The following AFDN variants were observed in gnomAD, a reference collection of about 807,000 sequenced individuals.
The protein encoded by AFDN is afadin.
Under a neutral mutation model 216.6 loss-of-function variants are expected in AFDN, and 68 were observed. That is an observed-to-expected ratio of 0.31 (90% CI 0.26 to 0.38). AFDN has a LOEUF of 0.38. Among genes scored for constraint, AFDN ranks in the 10% least tolerant of loss-of-function variants. AFDN has a pLI of 1.00. For missense variants in AFDN, 2,136 were observed against 2,342.0 expected (o/e 0.91, Z 1.82); for synonymous variants, 868 against 853.7 (o/e 1.02, Z -0.29).
At chr6:167,827,953 T>C (rs1261288233) in intron 1 of AFDN, 3 of 152,150 alleles carry the variant, frequency 2.0e-5, no homozygotes, top group African/African-American at 7.2e-5. Context: ...GGGTTGTTTA[T>C]AGCAAAGCTG....
intron 32 of AFDN, among the ~76,000 whole-genome samples, chr6:167,968,133 A>G (rs1292856701): frequency 6.6e-6 from 1 of 152,232 alleles, no homozygotes; most frequent in Non-Finnish European, 1.5e-5. Context: ...TTAAAGCTCA[A>G]AAGATATAAT....
chr6:167,931,542 G>A (rs1220863620), intron 23 of AFDN, among the ~76,000 whole-genome samples: 1 of 152,082 alleles, frequency 6.6e-6, no homozygotes, highest in Non-Finnish European at 1.5e-5. Context: ...GCCTTTTCTT[G>A]AAATGAGAGA....
At chr6:167,906,869 T>G (rs1789757199) in intron 12 of AFDN, among the ~76,000 whole-genome samples, 2 of 152,234 alleles carry the variant, frequency 1.3e-5, no homozygotes, top group African/African-American at 4.8e-5. Context: ...GAATTACTAT[T>G]AATGTACTTT....
chr6:167,956,883 G>A (rs566731012), intron 30 of AFDN, among the ~76,000 whole-genome samples: 1 of 152,228 alleles, frequency 6.6e-6, no homozygotes, highest in African/African-American at 2.4e-5. Context: ...AGGATCCCTC[G>A]GTACTGTCCC....
At chr6:167,847,677 G>A (rs1473074680) in intron 1 of AFDN, among the ~76,000 whole-genome samples, 1 of 152,026 alleles carries the variant, frequency 6.6e-6, no homozygotes, top group Non-Finnish European at 1.5e-5. Flanking sequence ...CACCATCTTT[G>A]CTTCTTACTA....
At chr6:167,943,559 AC>A in intron 25 of AFDN, 84 bp downstream of exon 25, 2 of 1,119,002 alleles carry the variant, frequency 1.8e-6, no homozygotes, top group Admixed American at 1.7e-5. Context: ...GAAGATAAAA[AC>A]TATGCTAAAA....
In AFDN at chr6:167,946,797, G is replaced by C. The variant is rs1463123270; in HGVS notation, c.3449G>C (p.Ser1150Thr). The C allele has an allele frequency of 6.2e-7, 1 of 1,613,680 alleles. No homozygotes were observed. Among genetic ancestry groups the C allele is most frequent in the South Asian group, 1.1e-5 (1 of 90,918 alleles). ...NNSTQNGSPE[S>T]PQLPWAEYSE... ...TCAACTCAAAATGGGTCTCCTGAGAGTCCTCAGCTGCCTTGGGCAGAATAT... is the reference window on the plus strand; with the variant it reads ...TCAACTCAAAATGGGTCTCCTGAGACTCCTCAGCTGCCTTGGGCAGAATAT... Residue 1150 changes from serine (S) to threonine (T), a missense_variant, in exon 27 of 34, where the codon AGT (serine) becomes ACT (threonine). This residue lies in a region of AFDN where 981 missense variants were observed against 966.0 expected (regional missense o/e 1.02). Transcript: ENST00000683244.
In AFDN at chr6:167,836,017, T is replaced by C. The variant is rs145424209; in HGVS notation, c.105+8780T>C. Among the ~76,000 whole-genome samples, 679 of 152,360 alleles carry C rather than the reference T, an allele frequency of 4.5e-3. 6 individuals are homozygous for C. Among genetic ancestry groups the C allele is most frequent in the African/African-American group, 0.016 (654 of 41,596 alleles). ...GGAAGTATACATTTCAACATTTATT[T>C]TACGCATTATATATTTTCTGTATTT... On this transcript the variant is annotated intron_variant, in intron 1 of 33. Transcript: ENST00000683244.
At chr6:167,931,073 C>A (rs952768091) in intron 23 of AFDN, among the ~76,000 whole-genome samples, 1 of 152,222 alleles carries the variant, frequency 6.6e-6, no homozygotes, top group East Asian at 1.9e-4. Context: ...ACAGACACCC[C>A]GTGAAGGCGG....
At chr6:167,883,417 C>T (rs1042154099) in intron 6 of AFDN, among the ~76,000 whole-genome samples, 1 of 152,140 alleles carries the variant, frequency 6.6e-6, no homozygotes, top group African/African-American at 2.4e-5. Flanking sequence ...GACAACAAGC[C>T]CAGCACTAAG....
At chr6:167,845,423 G>A (rs1290889854) in intron 1 of AFDN, among the ~76,000 whole-genome samples, 1 of 151,512 alleles carries the variant, frequency 6.6e-6, no homozygotes, top group African/African-American at 2.4e-5. Flanking sequence ...TTTAGACAGA[G>A]TTTTACTCTT....
At chr6:167,952,933 TAAAC>T (rs1796153757) in intron 30 of AFDN, among the ~76,000 whole-genome samples, 4 of 152,360 alleles carry the variant, frequency 2.6e-5, no homozygotes, top group East Asian at 1.9e-4. Context: ...TTGTTTTAAA[TAAAC>T]TAACAAAAGT....
chr6:167,890,126 C>T (rs189854082), intron 7 of AFDN, among the ~76,000 whole-genome samples: 8 of 152,234 alleles, frequency 5.3e-5, no homozygotes, highest in African/African-American at 1.2e-4. Context: ...GCATTAATAA[C>T]GACATAAAAA....
At chr6:167,916,832 C>T (rs1791135371) in intron 19 of AFDN, among the ~76,000 whole-genome samples, 4 of 152,078 alleles carry the variant, frequency 2.6e-5, no homozygotes, top group Non-Finnish European at 1.5e-5. Context: ...TTTTAAAATG[C>T]TTTACGAACA....
At chr6:167,903,762 A>T (rs759315901) in intron 12 of AFDN, among the ~76,000 whole-genome samples, 4 of 151,914 alleles carry the variant, frequency 2.6e-5, no homozygotes, top group Non-Finnish European at 5.9e-5. Flanking sequence ...TGCTCCCTCC[A>T]CTTCCAAACT....
chr6:167,905,064 G>C (rs989061788), intron 12 of AFDN, among the ~76,000 whole-genome samples: 3 of 152,112 alleles, frequency 2.0e-5, no homozygotes, highest in Non-Finnish European at 4.4e-5. Flanking sequence ...TCTTGTGCTA[G>C]TGTTTGTGCT....
chr6:167,951,587 GGCT>G lies in AFDN; in HGVS notation c.4241_4243del (p.Ala1414del). The G allele has an allele frequency of 2.5e-6, 4 of 1,614,060 alleles. No individual in the cohort carries two copies. Among genetic ancestry groups the G allele is most frequent in the Non-Finnish European group, 3.4e-6 (4 of 1,179,990 alleles). On this transcript the variant is annotated inframe_deletion, in exon 30 of 34. Transcript: ENST00000683244. This position sits in a 1 kb window ranked among gnomAD's most constrained non-coding sequence, Gnocchi z 7.1. Reference sequence around the variant, plus strand: ...AGATAGGGCTGCCGTCTGCGCAGGTGGCTGCTGCTGAACGGAGAAAGAGAGAAG... The same window carrying G: ...AGATAGGGCTGCCGTCTGCGCAGGTGGCTGCTGAACGGAGAAAGAGAGAAG...
rs971054701 is a variant in AFDN, at chr6:167,842,635, C to T, written c.105+15398C>T. Among the ~76,000 whole-genome samples the T allele has an allele frequency of 2.0e-5, 3 of 152,276 alleles. No homozygotes were observed. In the East Asian group the frequency reaches 5.8e-4, roughly 29 times the overall value. On this transcript the variant is annotated intron_variant, in intron 1 of 33. Transcript: ENST00000683244. The stretch of plus-strand genomic sequence containing the variant: ...TTACTGGGCTGTCTTCCTTCCTCTC[C>T]TCCACTAGGATGTATTATTTCACAT...
Position 167,970,310 on chromosome 6 carries a change from G to A in AFDN, c.*375G>A, listed in dbSNP as rs994578414. 5.0e-5 allele frequency: 13 copies of A among 261,064 alleles called. No homozygotes were observed. The highest frequency in any genetic ancestry group is 2.9e-4 in the African/African-American group (13 of 45,304). The allele number at this position is 261,064 out of a possible 1,614,324, so 16.2% of individuals were successfully genotyped here. ...ATCATCGACCGAGGAGCACAAAGAA[G>A]TTCTGTTTCTGTTTTTTTCAGAAAC... On this transcript the variant is annotated 3_prime_UTR_variant, in exon 34 of 34. Coordinates refer to ENST00000683244, the MANE Select transcript of AFDN (RefSeq NM_001386888.1).
Sources: allele counts gnomAD v4.1 joint callset (sites outside exome capture counted in the v4.1 genomes callset), GRCh38; gene constraint gnomAD v4.1.1; regional missense constraint gnomAD v4.1.1; non-coding constraint Gnocchi (gnomAD v3.1); transcripts MANE v1.5; gene names NCBI Gene and HGNC (gene_info 2026-07-23, HGNC 2026-07-21).